The following NTNG1 variants were observed in gnomAD, a reference collection of about 807,000 sequenced individuals.
The protein encoded by NTNG1 is netrin G1.
Under a neutral mutation model 54.0 loss-of-function variants are expected in NTNG1, and 16 were observed. The observed-to-expected ratio is 0.30, with a 90% CI of 0.20 to 0.45. The LOEUF is 0.45. Among genes scored for constraint, NTNG1 ranks in the 20% least tolerant of loss-of-function variants. The pLI is 1.00. For missense variants in NTNG1, 530 were observed against 678.7 expected, an observed-to-expected ratio of 0.78 and a Z score of 2.43; for synonymous variants, 255 against 263.1, an observed-to-expected ratio of 0.97 and a Z score of 0.30.
chr1:107,452,838 A>G (rs917603253), intron 7 of NTNG1, among the ~76,000 whole-genome samples: 2 of 152,206 alleles, frequency 1.3e-5, no homozygotes, highest in African/African-American at 4.8e-5. Flanking sequence ...TAAATCACCC[A>G]GTCTCAGGTA....
In NTNG1 at chr1:107,271,083, A is replaced by G. The variant is rs373086392; in HGVS notation, c.247-53199A>G. 3.5e-4 allele frequency among the ~76,000 whole-genome samples: 53 copies of G among 152,352 alleles called. No individual in the cohort carries two copies. The East Asian group carries it at 9.6e-3, about 28-fold the overall frequency. ...AGTAGAAAACAATAGACACAAATCT[A>G]AAATTAAGATAATTTAAATAGTTAC... is the stretch of plus-strand genomic sequence containing the variant. On this transcript the variant is annotated intron_variant, in intron 2 of 7. Transcript: ENST00000370068.
At chr1:107,447,732 C>A (rs1676393373) in intron 7 of NTNG1, among the ~76,000 whole-genome samples, 1 of 152,030 alleles carries the variant, frequency 6.6e-6, no homozygotes, top group Non-Finnish European at 1.5e-5. Context: ...GAGATGAGAT[C>A]ATACTCTACT....
intron 3 of NTNG1, among the ~76,000 whole-genome samples, chr1:107,376,511 C>A (rs752014777): frequency 1.3e-5 from 2 of 152,022 alleles, no homozygotes; most frequent in Non-Finnish European, 2.9e-5. Flanking sequence ...GTGTTGTATA[C>A]CCAGTTAAAA....
At chr1:107,184,050 C>G (rs940198640) in intron 2 of NTNG1, among the ~76,000 whole-genome samples, 51 of 152,112 alleles carry the variant, frequency 3.4e-4, no homozygotes, top group African/African-American at 1.2e-3. Flanking sequence ...CTATCTACTG[C>G]CCACAACTGT....
intron 2 of NTNG1, among the ~76,000 whole-genome samples, chr1:107,297,631 C>A (rs12091336): frequency 0.41 from 61,487 of 151,810 alleles, 12,546 homozygotes; most frequent in East Asian, 0.49. Context: ...ATGTCAGGAT[C>A]ATTTCTGTAA....
At chr1:107,347,487 T>C (rs1395102804) in intron 3 of NTNG1, among the ~76,000 whole-genome samples, 1 of 152,114 alleles carries the variant, frequency 6.6e-6, no homozygotes, top group Non-Finnish European at 1.5e-5. Flanking sequence ...TGCATTCCAA[T>C]TTGGTCAACA....
intron 3 of NTNG1, among the ~76,000 whole-genome samples, chr1:107,334,587 C>T (rs554863407): frequency 1.3e-5 from 2 of 151,250 alleles, no homozygotes; most frequent in East Asian, 3.9e-4. Context: ...AGAGTCATAG[C>T]ATTGCAAAAT....
intron 2 of NTNG1, among the ~76,000 whole-genome samples, chr1:107,287,231 G>A (rs538022819): frequency 2.6e-5 from 4 of 152,142 alleles, no homozygotes; most frequent in African/African-American, 9.6e-5. Context: ...ATTAGTTACT[G>A]TATTTTAAAA....
intron 2 of NTNG1, among the ~76,000 whole-genome samples, chr1:107,220,078 T>C (rs1660238733): frequency 6.6e-6 from 1 of 152,136 alleles, no homozygotes; most frequent in Admixed American, 6.5e-5. Flanking sequence ...GAGTGTGGTT[T>C]CCAGGCCAAT....
At chr1:107,261,825 AGAGT>A (rs1265556046) in intron 2 of NTNG1, among the ~76,000 whole-genome samples, 4 of 152,266 alleles carry the variant, frequency 2.6e-5, no homozygotes, top group African/African-American at 9.6e-5. Context: ...CCTGGGCGAC[AGAGT>A]GAGACTCCGT....
rs993232597 is a variant in NTNG1 at position 107,186,141 on chromosome 1, T to C, written c.246+37302T>C. Among the ~76,000 whole-genome samples, 14 of 152,276 alleles carry C rather than the reference T, an allele frequency of 9.2e-5. No individual in the cohort carries two copies. In the South Asian group the frequency reaches 2.9e-3, roughly 32 times the overall value. Reference sequence around the variant, plus strand: ...GTTTGACCTTCTGTTTTTTAGTTATTTCACTTAGGATAATGGCCTCCAGTT... The same window carrying C: ...GTTTGACCTTCTGTTTTTTAGTTATCTCACTTAGGATAATGGCCTCCAGTT... On this transcript the variant is annotated intron_variant, in intron 2 of 7. Coordinates refer to ENST00000370068, the MANE Select transcript of NTNG1 (RefSeq NM_001113226.3).
intron 5 of NTNG1, among the ~76,000 whole-genome samples, chr1:107,411,004 A>G (rs1673761898): frequency 6.6e-6 from 1 of 152,172 alleles, no homozygotes; most frequent in Non-Finnish European, 1.5e-5. Flanking sequence ...AAGGAAGACC[A>G]TTTCGAACTC....
intron 7 of NTNG1, among the ~76,000 whole-genome samples, chr1:107,448,352 G>T (rs1676425043): frequency 6.6e-6 from 1 of 152,074 alleles, no homozygotes; most frequent in Non-Finnish European, 1.5e-5. Flanking sequence ...CCCATTGGCA[G>T]TTATCCCCAT....
In NTNG1 at chr1:107,148,796, C is replaced by A; in HGVS notation, c.203C>A (p.Pro68Gln). 1 of 1,613,606 alleles carries A rather than the reference C, an allele frequency of 6.2e-7. No individual in the cohort carries two copies. Among genetic ancestry groups the A allele is most frequent in the Non-Finnish European group, 8.5e-7 (1 of 1,179,618 alleles). The part of the protein sequence containing the change: ...TKYLKVKLDP[P>Q]DITCGDPPET... ...TATCTGAAAGTGAAACTCGATCCTC[C>A]GGATATTACCTGTGGAGACCCTCCT... The change falls in exon 2 of 8, where the codon CCG becomes CAG. Residue 68 changes from proline to glutamine, a missense_variant. This residue lies in a region of NTNG1 where 318 missense variants were observed against 465.1 expected (regional missense o/e 0.68). Coordinates refer to ENST00000370068, the MANE Select transcript of NTNG1 (RefSeq NM_001113226.3).
At position 107,324,699 on chromosome 1, in the gene NTNG1, C is replaced by T. The variant is rs752598796; in HGVS notation, c.664C>T (p.His222Tyr). The change falls in exon 3 of 8, where the codon CAC becomes TAC. Residue 222 changes from histidine to tyrosine, a missense_variant. His to Tyr is a moderately conservative substitution (Grantham distance 83). Around this residue, in one of 2 missense-constraint regions of NTNG1, gnomAD observed 318 missense variants for 465.1 expected, o/e 0.68. Transcript: ENST00000370068. Reference protein sequence around the residue: ...TGYTTNSKIIHFEIKDRFAFF... With the variant: ...TGYTTNSKIIYFEIKDRFAFF... ...GTATACAACAAATAGCAAAATAATCCACTTTGAAATCAAAGACAGGTTCGC... is the reference window on the plus strand; with the variant it reads ...GTATACAACAAATAGCAAAATAATCTACTTTGAAATCAAAGACAGGTTCGC... The T allele has an allele frequency of 1.2e-5, 19 of 1,613,392 alleles. No individual in the cohort carries two copies. The highest frequency in any genetic ancestry group is 1.6e-5 in the Non-Finnish European group (19 of 1,179,740).
intron 2 of NTNG1, among the ~76,000 whole-genome samples, chr1:107,161,061 G>T (rs558997887): frequency 6.3e-4 from 96 of 152,158 alleles, no homozygotes; most frequent in Non-Finnish European, 1.1e-3. Context: ...TTATATATTT[G>T]CTCATTTATT....
At chr1:107,157,230 A>G (rs759427691) in intron 2 of NTNG1, among the ~76,000 whole-genome samples, 7 of 152,214 alleles carry the variant, frequency 4.6e-5, no homozygotes, top group South Asian at 2.1e-4. Flanking sequence ...CAAACATTGC[A>G]TAATGTCCTT....
rs1372269197 is a variant in NTNG1, at chr1:107,483,649, A to G, written c.*2809A>G. Among the ~76,000 whole-genome samples, 3 of 152,020 alleles carry G rather than the reference A, an allele frequency of 2.0e-5. No individual in the cohort carries two copies. Among genetic ancestry groups the G allele is most frequent in the African/African-American group, 7.2e-5 (3 of 41,390 alleles). On this transcript the variant is annotated 3_prime_UTR_variant, in exon 8 of 8. Transcript: ENST00000370068. Reference sequence around the variant, plus strand: ...GGACTGGGGTGAAAAGCGGGTACTCAGTTGTTCATATATTTGAGGTCCTAA... The same window carrying G: ...GGACTGGGGTGAAAAGCGGGTACTCGGTTGTTCATATATTTGAGGTCCTAA...
intron 2 of NTNG1, among the ~76,000 whole-genome samples, chr1:107,265,031 C>T (rs531236825): frequency 7.9e-5 from 12 of 152,286 alleles, no homozygotes; most frequent in African/African-American, 2.6e-4. Flanking sequence ...ACAGCAGACA[C>T]TAACAAGTAT....
Sources: gnomAD v4.1 joint callset for allele counts (sites outside exome capture counted in the v4.1 genomes callset) on GRCh38, gnomAD v4.1.1 for gene constraint, gnomAD v4.1.1 regional missense constraint, MANE v1.5 for transcripts, NCBI Gene and HGNC (gene_info 2026-07-23, HGNC 2026-07-21) for gene names.